Variants in CCL26 observed in about 807,000 individuals in gnomAD.
CCL26 encodes C-C motif chemokine 26.
Under a neutral mutation model 10.7 loss-of-function variants are expected in CCL26, and 10 were observed. That is an observed-to-expected ratio of 0.93 (90% CI 0.57 to 1.58). The LOEUF (loss-of-function observed/expected upper bound fraction) is 1.58, where lower values mean the gene tolerates loss of function less well. Among genes scored for constraint, CCL26 ranks in the 40% most tolerant of loss-of-function variants. The pLI, the probability that CCL26 is intolerant of heterozygous loss-of-function variation, is 0.00. For missense variants in CCL26, 116 were observed against 111.0 expected (o/e 1.05, Z -0.20); for synonymous variants, 43 against 41.4 (o/e 1.04, Z -0.15).
At position 75,778,083 on chromosome 7, in the gene CCL26, A is replaced by G. The variant is rs982548264; in HGVS notation, c.-78-5829T>C. On this transcript the variant is annotated intron_variant, in intron 1 of 3. Transcript: ENST00000394905. ...AGTGAGGTTGCTGGGATGTACTGGC[A>G]CTCCTATTGCCTATTTGAACTTTCT... Among the ~76,000 whole-genome samples the G allele has an allele frequency of 7.2e-5, 11 of 152,114 alleles. No homozygotes were observed. In the South Asian group the frequency reaches 1.2e-3, roughly 17 times the overall value.
At chr7:75,772,864 TA>T (rs1352917644), upstream of CCL26, among the ~76,000 whole-genome samples, 3 of 152,170 alleles carry the variant, frequency 2.0e-5, no homozygotes, top group African/African-American at 7.2e-5. Flanking sequence ...GGAAATTAAG[TA>T]ATATTCCAGT....
At chr7:75,775,702 G>A (rs994108423), upstream of CCL26, among the ~76,000 whole-genome samples, 6 of 152,212 alleles carry the variant, frequency 3.9e-5, no homozygotes, top group African/African-American at 1.4e-4. Context: ...AGGCCCTCAG[G>A]AAGAGTCCCC....
chr7:75,778,972 C>T (rs1339294800), intron 1 of CCL26, among the ~76,000 whole-genome samples: 2 of 152,134 alleles, frequency 1.3e-5, no homozygotes, highest in Admixed American at 1.3e-4. Context: ...CGTATACATC[C>T]AGATGGCCTG....
rs149496266 is a variant in CCL26, at chr7:75,788,882, C to CT, written c.-79+834dup. Among the ~76,000 whole-genome samples, 52 of 151,936 alleles carry CT rather than the reference C, an allele frequency of 3.4e-4. No homozygotes were observed. In the East Asian group the frequency reaches 0.01, roughly 29 times the overall value. On this transcript the variant is annotated intron_variant, in intron 1 of 3. Transcript: ENST00000394905. ...TCACCTTTTAACCCTTGTGGAAATT[C>CT]TTTGAGTTGTACTCTTAGAGTTTGC... is the stretch of plus-strand genomic sequence containing the variant.
At chr7:75,782,408 C>T (rs576285181) in intron 1 of CCL26, among the ~76,000 whole-genome samples, 20 of 152,072 alleles carry the variant, frequency 1.3e-4, no homozygotes, top group African/African-American at 3.6e-4. Flanking sequence ...AAGTCAATTG[C>T]GGGGACACCT....
intron 1 of CCL26, among the ~76,000 whole-genome samples, chr7:75,789,511 G>A (rs1554530483): frequency 6.9e-6 from 1 of 145,848 alleles, no homozygotes; most frequent in African/African-American, 2.5e-5. Context: ...AGAAAGTGCT[G>A]GCTGCCTACA....
chr7:75,779,302 G>A (rs1554529139), intron 1 of CCL26, among the ~76,000 whole-genome samples: 5 of 152,242 alleles, frequency 3.3e-5, no homozygotes, highest in South Asian at 4.2e-4. Context: ...ACACGGACGC[G>A]AGTGGAATTT....
At chr7:75,777,338 G>T (rs1218709232) in intron 1 of CCL26, among the ~76,000 whole-genome samples, 14 of 152,140 alleles carry the variant, frequency 9.2e-5, no homozygotes, top group African/African-American at 3.4e-4. Context: ...TGACCCTCAT[G>T]TCTGTCAATA....
intron 1 of CCL26, among the ~76,000 whole-genome samples, chr7:75,788,231 G>T (rs1244811242): frequency 3.9e-5 from 6 of 152,082 alleles, no homozygotes; most frequent in South Asian, 2.1e-4. Flanking sequence ...CATCCAGATG[G>T]CCTGAAGTAA....
intron 1 of CCL26, among the ~76,000 whole-genome samples, chr7:75,779,948 C>G (rs530479233): frequency 1.3e-5 from 2 of 151,292 alleles, no homozygotes; most frequent in Admixed American, 6.6e-5. Flanking sequence ...CTGTCCATGT[C>G]TCTACCCTCT....
intron 1 of CCL26, among the ~76,000 whole-genome samples, chr7:75,785,718 A>G (rs992961780): frequency 7.4e-5 from 11 of 148,386 alleles, no homozygotes; most frequent in Non-Finnish European, 1.2e-4. Flanking sequence ...AGCTGACCCT[A>G]TCGATCCTAA....
chr7:75,769,771 G>A lies in CCL26; in HGVS notation c.207C>T (p.Gly69=), dbSNP rs1802782974. ...TCCTTGGATGGGTACAGACTTTCTT[G>A]CCTCTTTTGGTAGTGAATCTGTGAA... is the stretch of plus-strand genomic sequence containing the variant. The part of the protein sequence containing the change: ...QRAVIFTTKR[G]KKVCTHPRKK... Residue 69 remains glycine, a synonymous_variant, in exon 3 of 3, where the codon GGC becomes GGT. Transcript: ENST00000005180. The A allele has an allele frequency of 6.2e-7, 1 of 1,607,150 alleles. No homozygotes were observed. The highest frequency in any genetic ancestry group is 8.5e-7 in the Non-Finnish European group (1 of 1,173,708).
chr7:75,782,371 G>T (rs1803084304), intron 1 of CCL26, among the ~76,000 whole-genome samples: 1 of 151,738 alleles, frequency 6.6e-6, no homozygotes, highest in South Asian at 2.1e-4. Flanking sequence ...GCCTGCCTTG[G>T]TCATTCACCC....
At chr7:75,783,224 C>G (rs1554529623) in intron 1 of CCL26, among the ~76,000 whole-genome samples, 1 of 152,214 alleles carries the variant, frequency 6.6e-6, no homozygotes, top group Non-Finnish European at 1.5e-5. Flanking sequence ...ATATCTAACT[C>G]TGTCCTACAA....
At chr7:75,785,292 C>T (rs1194294328) in intron 1 of CCL26, among the ~76,000 whole-genome samples, 1 of 152,198 alleles carries the variant, frequency 6.6e-6, no homozygotes, top group African/African-American at 2.4e-5. Flanking sequence ...TACCGCAAGG[C>T]TTCAGGGACA....
intron 1 of CCL26, among the ~76,000 whole-genome samples, chr7:75,778,019 C>T (rs756682307): frequency 2.6e-5 from 4 of 151,964 alleles, no homozygotes; most frequent in Admixed American, 1.3e-4. Flanking sequence ...CAACCCCAGC[C>T]GACATATTTA....
upstream of CCL26, chr7:75,772,254 C>A: frequency 9.6e-7 from 1 of 1,040,310 alleles, no homozygotes; most frequent in Admixed American, 2.3e-5. Flanking sequence ...CTGAGACGGC[C>A]CTGAAAACAA....
intron 2 of CCL26, among the ~76,000 whole-genome samples, chr7:75,770,399 G>T (rs1344318495): frequency 6.8e-6 from 1 of 147,600 alleles, no homozygotes; most frequent in Non-Finnish European, 1.5e-5. Context: ...TATTTTTTTT[G>T]AGACGGAGTT....
At chr7:75,780,546 T>G (rs1803039041) in intron 1 of CCL26, among the ~76,000 whole-genome samples, 2 of 152,156 alleles carry the variant, frequency 1.3e-5, no homozygotes, top group African/African-American at 2.4e-5. Context: ...AATGGCACTT[T>G]CGATTTTTCC....
Sources: allele counts gnomAD v4.1 joint callset (sites outside exome capture counted in the v4.1 genomes callset), GRCh38; gene constraint gnomAD v4.1.1; transcripts MANE v1.5; gene names NCBI Gene and HGNC (gene_info 2026-07-23, HGNC 2026-07-21).